The following HAPLN3 variants were observed in gnomAD, a reference collection of about 807,000 sequenced individuals.
The protein encoded by HAPLN3 is hyaluronan and proteoglycan link protein 3, also known as extracellular link domain containing, 1.
Under a neutral mutation model 28.1 loss-of-function variants are expected in HAPLN3, and 28 were observed. The observed-to-expected ratio is 1.00, with a 90% CI of 0.74 to 1.37. The LOEUF (loss-of-function observed/expected upper bound fraction) is 1.37. HAPLN3 is among the 40% of genes most tolerant of loss of function. The pLI is 0.00. For synonymous variants in HAPLN3, 211 were observed against 213.1 expected (o/e 0.99, Z 0.09); for missense variants, 513 against 504.6 (o/e 1.02, Z -0.16).
At chr15:88,894,548 C>T (rs1175191186) in intron 1 of HAPLN3, among the ~76,000 whole-genome samples, 1 of 152,140 alleles carries the variant, frequency 6.6e-6, no homozygotes, top group African/African-American at 2.4e-5. Context: ...GCCTTTGAAA[C>T]CTGCAGCCCC....
chr15:88,878,054 C>T lies in HAPLN3; in HGVS notation c.999G>A (p.Gly333=), dbSNP rs749807993. ...AGCTTCGGACCCCAGGCTCTGGGGG[C>T]CCACAGTTAGGATGCGGGTGAACCA... ...YPVVHPHPNC[G]PPEPGVRSFG... The change falls in exon 5 of 5, where the codon GGG becomes GGA. Residue 333 remains glycine, a synonymous_variant. Coordinates refer to ENST00000359595, the MANE Select transcript of HAPLN3 (RefSeq NM_178232.4). 1 of 1,613,996 alleles carries T rather than the reference C, an allele frequency of 6.2e-7. No homozygotes were observed. The highest frequency in any genetic ancestry group is 2.2e-5 in the East Asian group (1 of 44,862).
At chr15:88,893,800 C>A (rs1319640098) in intron 1 of HAPLN3, among the ~76,000 whole-genome samples, 1 of 151,512 alleles carries the variant, frequency 6.6e-6, no homozygotes, top group Non-Finnish European at 1.5e-5. Context: ...TGGTGATGAG[C>A]GCTTGTAGTC....
Position 88,879,600 on chromosome 15 carries a change from C to G in HAPLN3, c.494-331G>C, listed in dbSNP as rs1897641297. The G allele has an allele frequency of 3.0e-6, 4 of 1,319,558 alleles. No homozygotes were observed. The South Asian group carries it at 4.0e-5, about 13-fold the overall frequency. 81.7% of individuals were successfully genotyped at this position (1,319,558 alleles called of 1,614,324 possible). On this transcript the variant is annotated intron_variant, in intron 3 of 4. Transcript: ENST00000359595. The surrounding 1 kb of genome is among the most constrained non-coding windows in gnomAD (Gnocchi z 5.0). ...GCCATCTTCTCCAGACAGGCCCGGG[C>G]TTTGGGCTCTAGGGGCCAGGTTTGA...
intron 2 of HAPLN3, among the ~76,000 whole-genome samples, chr15:88,885,998 G>A (rs1165550231): frequency 6.6e-6 from 1 of 152,246 alleles, no homozygotes; most frequent in African/African-American, 2.4e-5. Flanking sequence ...TTCAGGCTGT[G>A]AGGGCAGACA....
At position 88,887,141 on chromosome 15, in the gene HAPLN3, G is replaced by T. The variant is rs199844749; in HGVS notation, c.124+34C>A. Reference sequence around the variant, plus strand: ...AGCCAAGGAGGTCTAGGTCACCCAGGGGAGCAAAGAGCCGGGTGCAGGAGG... The same window carrying T: ...AGCCAAGGAGGTCTAGGTCACCCAGTGGAGCAAAGAGCCGGGTGCAGGAGG... On this transcript the variant is annotated intron_variant, in intron 2 of 4. Coordinates refer to ENST00000359595, the MANE Select transcript of HAPLN3 (RefSeq NM_178232.4). The T allele has an allele frequency of 6.7e-5, 108 of 1,612,288 alleles. No individual in the cohort carries two copies. The East Asian group carries it at 2.3e-3, about 34-fold the overall frequency.
Position 88,879,571 on chromosome 15 carries a change from C to G in HAPLN3, c.494-302G>C. 1 of 1,376,796 alleles carries G rather than the reference C, an allele frequency of 7.3e-7. No individual in the cohort carries two copies. The highest frequency in any genetic ancestry group is 2.2e-5 in the Admixed American group (1 of 45,816). 85.3% of individuals were successfully genotyped at this position (1,376,796 alleles called of 1,614,324 possible). On this transcript the variant is annotated intron_variant, in intron 3 of 4. Coordinates refer to ENST00000359595, the MANE Select transcript of HAPLN3 (RefSeq NM_178232.4). This position sits in a 1 kb window ranked among gnomAD's most constrained non-coding sequence, Gnocchi z 5.0. Reference sequence around the variant, plus strand: ...GGCTGTCGCCAGACCCCCAGTGAGGCTGTGCCATCTTCTCCAGACAGGCCC... The same window carrying G: ...GGCTGTCGCCAGACCCCCAGTGAGGGTGTGCCATCTTCTCCAGACAGGCCC...
rs951099435 is a variant in HAPLN3, at chr15:88,892,883, C to T, written c.-48+2576G>A. ...GGGGAGGGATGGGTAGCCTCTGCTCCCCTACCATGGCTATCCAGCCACCAA... is the reference window on the plus strand; with the variant it reads ...GGGGAGGGATGGGTAGCCTCTGCTCTCCTACCATGGCTATCCAGCCACCAA... On this transcript the variant is annotated intron_variant, in intron 1 of 4. Transcript: ENST00000359595. The T allele has an allele frequency of 2.9e-6, 4 of 1,380,124 alleles. No homozygotes were observed. In the African/African-American group the frequency reaches 5.8e-5, roughly 20 times the overall value. 85.5% of individuals were successfully genotyped at this position (1,380,124 alleles called of 1,614,324 possible).
chr15:88,887,436 A>C, intron 1 of HAPLN3, 91 bp from the exon 2 acceptor site: 17 of 1,194,142 alleles, frequency 1.4e-5, no homozygotes, highest in Middle Eastern at 2.8e-4. Flanking sequence ...TCGCTTGCTC[A>C]ACAGCTCACT....
rs1233305959 is a variant in HAPLN3, at chr15:88,895,278, C to G, written c.-48+181G>C. Reference sequence around the variant, plus strand: ...TCCCTCCCCACTTGTGCCCCGGGCGCCCCTCGCCCGCGATCACAGCCCATC... The same window carrying G: ...TCCCTCCCCACTTGTGCCCCGGGCGGCCCTCGCCCGCGATCACAGCCCATC... On this transcript the variant is annotated intron_variant, in intron 1 of 4. Coordinates refer to ENST00000359595, the MANE Select transcript of HAPLN3 (RefSeq NM_178232.4). This position sits in a 1 kb window ranked among gnomAD's most constrained non-coding sequence, Gnocchi z 5.5. Among the ~76,000 whole-genome samples, 4 of 152,216 alleles carry G rather than the reference C, an allele frequency of 2.6e-5. No homozygotes were observed. The highest frequency in any genetic ancestry group is 2.6e-4 in the Admixed American group (4 of 15,290).
chr15:88,879,466 G>C lies in HAPLN3; in HGVS notation c.494-197C>G, dbSNP rs1474843034. ...CCTGGGACTCAGCTGGTTCACAGCA[G>C]TACTCAGAAAACATCCATGAGTTAA... On this transcript the variant is annotated intron_variant, in intron 3 of 4. Coordinates refer to ENST00000359595, the MANE Select transcript of HAPLN3 (RefSeq NM_178232.4). This position sits in a 1 kb window ranked among gnomAD's most constrained non-coding sequence, Gnocchi z 5.0. 6.5e-7 allele frequency: 1 copy of C among 1,532,794 alleles called. No homozygotes were observed. Among genetic ancestry groups the C allele is most frequent in the Non-Finnish European group, 8.7e-7 (1 of 1,145,546 alleles). 94.9% of individuals were successfully genotyped at this position (1,532,794 alleles called of 1,614,324 possible).
At chr15:88,893,053 C>T (rs768296228) in intron 1 of HAPLN3, 2 of 1,259,498 alleles carry the variant, frequency 1.6e-6, no homozygotes, top group Non-Finnish European at 2.2e-6. Context: ...GAGCTGGACA[C>T]ACTGCATCCT....
chr15:88,887,317 C>A lies in HAPLN3; in HGVS notation c.-19G>T. ...GGCCCATCTCCTCATGCCAGGGTGA[C>A]CCGGGCCAGGCTGGGGCCCCAGGGC... is the stretch of plus-strand genomic sequence containing the variant. On this transcript the variant is annotated 5_prime_UTR_variant, in exon 2 of 5. Coordinates refer to ENST00000359595, the MANE Select transcript of HAPLN3 (RefSeq NM_178232.4). The A allele has an allele frequency of 6.2e-7, 1 of 1,613,736 alleles. No homozygotes were observed. The highest frequency in any genetic ancestry group is 8.5e-7 in the Non-Finnish European group (1 of 1,179,808).
chr15:88,893,417 C>CA lies in HAPLN3; in HGVS notation c.-48+2041dup, dbSNP rs563183384. Among the ~76,000 whole-genome samples the CA allele has an allele frequency of 4.9e-3, 660 of 134,530 alleles. 3 individuals are homozygous for CA. The highest frequency in any genetic ancestry group is 7.6e-3 in the Non-Finnish European group (470 of 62,136). 88.3% of individuals were successfully genotyped at this position (134,530 alleles called of 152,430 possible). A position where few individuals can be genotyped will look rare whatever the true frequency, so the allele number is the denominator to read the frequency against. ...TGGCCGACAGAGCAAGACTCCAGCT[C>CA]AAAAAAAAAAAATGGGCTGTGGTGA... On this transcript the variant is annotated intron_variant, in intron 1 of 4. Coordinates refer to ENST00000359595, the MANE Select transcript of HAPLN3 (RefSeq NM_178232.4).
intron 2 of HAPLN3, among the ~76,000 whole-genome samples, chr15:88,883,978 C>A (rs1461668179): frequency 1.3e-5 from 2 of 151,518 alleles, no homozygotes; most frequent in Non-Finnish European, 2.9e-5. Flanking sequence ...ACTCAGGAGG[C>A]TAAAGTGGAA....
chr15:88,889,747 T>TG (rs940410956), intron 1 of HAPLN3, among the ~76,000 whole-genome samples: 2 of 152,210 alleles, frequency 1.3e-5, no homozygotes, highest in Non-Finnish European at 2.9e-5. Flanking sequence ...AAGGTAGACC[T>TG]GGGGGCAGCA....
rs1280738157 is a variant in HAPLN3 at position 88,881,523 on chromosome 15, G to A, written c.327C>T (p.His109=). ...GGCCTTGGTAGTCCCCAAAGGAGCG[G>A]TGCCTCAGCCCGATGGCCACCAGCA... The part of the protein sequence containing the change: ...KDVLVAIGLR[H]RSFGDYQGRV... Residue 109 remains histidine (H), a synonymous_variant, in exon 3 of 5, where the codon CAC becomes CAT. Transcript: ENST00000359595. This position sits in a 1 kb window ranked among gnomAD's most constrained non-coding sequence, Gnocchi z 6.0. 4 of 1,614,078 alleles carry A rather than the reference G, an allele frequency of 2.5e-6. No individual in the cohort carries two copies. The highest frequency in any genetic ancestry group is 2.2e-5 in the East Asian group (1 of 44,874).
chr15:88,879,027 C>T lies in HAPLN3; in HGVS notation c.736G>A (p.Gly246Ser), dbSNP rs773603379. Residue 246 changes from glycine to serine, a missense_variant, in exon 4 of 5, where the codon GGC becomes AGC. Physicochemically the swap from Gly to Ser is moderately conservative, Grantham distance 56 (BLOSUM62 0). Coordinates refer to ENST00000359595, the MANE Select transcript of HAPLN3 (RefSeq NM_178232.4). This position sits in a 1 kb window ranked among gnomAD's most constrained non-coding sequence, Gnocchi z 5.0. ...PGLAPGVRSY[G>S]PRHRRLHRYD... is the part of the protein sequence containing the mutation. ...CGGTGCAGGCGGCGGTGGCGGGGGC[C>T]GTAGCTTCGCACGCCAGGTGCCAGG... The T allele has an allele frequency of 1.4e-5, 22 of 1,608,190 alleles. No homozygotes were observed. Among genetic ancestry groups the T allele is most frequent in the East Asian group, 2.2e-5 (1 of 44,698 alleles).
In HAPLN3 at chr15:88,877,825, A is replaced by T; in HGVS notation, c.*145T>A. The T allele has an allele frequency of 1.2e-6, 1 of 848,458 alleles. No individual in the cohort carries two copies. Among genetic ancestry groups the T allele is most frequent in the Non-Finnish European group, 1.8e-6 (1 of 565,096 alleles). 52.6% of individuals were successfully genotyped at this position (848,458 alleles called of 1,614,324 possible). On this transcript the variant is annotated 3_prime_UTR_variant, in exon 5 of 5. Coordinates refer to ENST00000359595, the MANE Select transcript of HAPLN3 (RefSeq NM_178232.4). This position sits in a 1 kb window ranked among gnomAD's most constrained non-coding sequence, Gnocchi z 5.1. ...GGAGGCATTGGGTTCTGTTTGCTTT[A>T]CAAAAAATAGTAAAAAAATGTTTAA... is the stretch of plus-strand genomic sequence containing the variant.
rs1422267843 is a variant in HAPLN3, at chr15:88,887,279, A to G, written c.20T>C (p.Val7Ala). Residue 7 changes from valine (V) to alanine (A), a missense_variant, in exon 2 of 5, where the codon GTC becomes GCC. Transcript: ENST00000359595. ...GGAGCCGGGCAGCAGGAGCAACGGG[A>G]CCAGGAGCAACAGGCCCATCTCCTC... is the stretch of plus-strand genomic sequence containing the variant. MGLLLL[V>A]PLLLLPGSYG... is the part of the protein sequence containing the mutation. 6.2e-7 allele frequency: 1 copy of G among 1,614,004 alleles called. No homozygotes were observed. Among genetic ancestry groups the G allele is most frequent in the African/African-American group, 1.3e-5 (1 of 74,932 alleles).
Sources: gnomAD v4.1 joint callset for allele counts (sites outside exome capture counted in the v4.1 genomes callset) on GRCh38, gnomAD v4.1.1 for gene constraint, Gnocchi (gnomAD v3.1) non-coding constraint, MANE v1.5 for transcripts, NCBI Gene and HGNC (gene_info 2026-07-23, HGNC 2026-07-21) for gene names.